Variants in DYNC2H1 observed in about 807,000 individuals in gnomAD.
The protein encoded by DYNC2H1 is dynein cytoplasmic 2 heavy chain 1.
A neutral mutation model predicts 570.0 loss-of-function variants in DYNC2H1; 410 were observed. The observed-to-expected ratio is 0.72, with a 90% CI of 0.66 to 0.78. The LOEUF (loss-of-function observed/expected upper bound fraction) is 0.78. Ranked by LOEUF, DYNC2H1 falls within the 30% of genes least tolerant of loss-of-function variation. The probability of loss-of-function intolerance (pLI) is 0.00; values close to 1 mark genes in which losing one functional copy is unlikely to be tolerated. For missense variants in DYNC2H1, 4,865 were observed against 5,046.4 expected (o/e 0.96, Z 1.09); for synonymous variants, 1,688 against 1,677.6 (o/e 1.01, Z -0.15).
chr11:103,133,717 G>A lies in DYNC2H1; in HGVS notation c.2106+10G>A. ...TACATTTTGTGAAAAGGTATATTTT[G>A]TTTATAAAATTGAATAAGCTATGAA... On this transcript the variant is annotated intron_variant, in intron 14 of 88. Coordinates refer to ENST00000375735, the MANE Select transcript of DYNC2H1 (RefSeq NM_001377.3). This position sits in a 1 kb window ranked among gnomAD's most constrained non-coding sequence, Gnocchi z 4.8. 2 of 1,570,618 alleles carry A rather than the reference G, an allele frequency of 1.3e-6. No homozygotes were observed. Among genetic ancestry groups the A allele is most frequent in the South Asian group, 1.2e-5 (1 of 83,828 alleles).
chr11:103,312,380 CAAAAAAAAA>C (rs775259300), intron 79 of DYNC2H1, among the ~76,000 whole-genome samples: 1 of 48,122 alleles, frequency 2.1e-5, no homozygotes, highest in African/African-American at 9.2e-5. Flanking sequence ...AACTCCATCT[CAAAAAAAAA>C]AAAAAAAAAA....
intron 38 of DYNC2H1, among the ~76,000 whole-genome samples, chr11:103,178,190 T>TTAGTTTGAATAAAG (rs1486784312): frequency 6.6e-6 from 1 of 152,130 alleles, no homozygotes; most frequent in Non-Finnish European, 1.5e-5. Context: ...TATTAACTCA[T>TTAGTTTGAATAAAG]TAGTTTGAAT....
chr11:103,124,953 A>C (rs1008771894), intron 11 of DYNC2H1, 147 bp from the exon 12 acceptor site: 16 of 546,940 alleles, frequency 2.9e-5, no homozygotes, highest in Middle Eastern at 9.7e-4. Flanking sequence ...TATGGAAAAA[A>C]CCCACAACTT....
At chr11:103,469,118 GC>G (rs1213118620) in intron 88 of DYNC2H1, among the ~76,000 whole-genome samples, 4 of 152,136 alleles carry the variant, frequency 2.6e-5, no homozygotes, top group African/African-American at 2.4e-5. Flanking sequence ...ACGTGCTCAC[GC>G]AGGTTAAATG....
chr11:103,124,770 A>G (rs1313644268), intron 11 of DYNC2H1, among the ~76,000 whole-genome samples: 1 of 152,232 alleles, frequency 6.6e-6, no homozygotes, highest in Non-Finnish European at 1.5e-5. Context: ...AGATACCTTT[A>G]GAAAATGAAT....
intron 73 of DYNC2H1, among the ~76,000 whole-genome samples, chr11:103,283,746 G>A (rs1565461168): frequency 6.6e-6 from 1 of 152,050 alleles, no homozygotes; most frequent in Non-Finnish European, 1.5e-5. Context: ...AGTAGAGCCA[G>A]GATTTAAAAC....
intron 30 of DYNC2H1, among the ~76,000 whole-genome samples, chr11:103,164,434 A>G (rs1282820791): frequency 1.3e-5 from 2 of 152,250 alleles, no homozygotes; most frequent in Non-Finnish European, 1.5e-5. Flanking sequence ...GAGTATTTAC[A>G]TAAGGGAATT....
rs144184627 is a variant in DYNC2H1 at position 103,240,807 on chromosome 11, T to C, written c.9820-2886T>C. On this transcript the variant is annotated intron_variant, in intron 63 of 88. Transcript: ENST00000375735. ...TCATAATATTGCCTCAATTAATATATTTTAGTGATTTCCCATTGTCTGCAG... is the reference window on the plus strand; with the variant it reads ...TCATAATATTGCCTCAATTAATATACTTTAGTGATTTCCCATTGTCTGCAG... 8.7e-3 allele frequency among the ~76,000 whole-genome samples: 1,326 copies of C among 152,258 alleles called. 15 individuals carry two copies. The highest frequency in any genetic ancestry group is 0.03 in the African/African-American group (1,262 of 41,546).
At chr11:103,137,162 C>T (rs2134789493) in intron 17 of DYNC2H1, among the ~76,000 whole-genome samples, 1 of 148,094 alleles carries the variant, frequency 6.8e-6, no homozygotes, top group Non-Finnish European at 1.5e-5. Context: ...AAAATTTTCT[C>T]CCATTTTGTA....
chr11:103,114,260 A>G, intron 3 of DYNC2H1, 22 bp downstream of exon 3: 1 of 1,541,532 alleles, frequency 6.5e-7, no homozygotes, highest in Non-Finnish European at 8.7e-7. Context: ...TAGCTTAATA[A>G]AAGAGAGTAC....
chr11:103,272,262 T>C (rs1865737493), intron 70 of DYNC2H1, among the ~76,000 whole-genome samples: 1 of 152,224 alleles, frequency 6.6e-6, no homozygotes, highest in Non-Finnish European at 1.5e-5. Context: ...GATGAGTTCA[T>C]GTCCTTTGTA....
intron 84 of DYNC2H1, chr11:103,403,139 TA>T (rs1445060976): frequency 6.6e-6 from 1 of 152,054 alleles, no homozygotes; most frequent in Non-Finnish European, 1.5e-5. Context: ...TGGAGATCAG[TA>T]GATGACTAAT....
chr11:103,314,806 G>T (rs1399813824), intron 79 of DYNC2H1, among the ~76,000 whole-genome samples: 2 of 151,714 alleles, frequency 1.3e-5, no homozygotes, highest in African/African-American at 2.4e-5. Context: ...CATGTCATAG[G>T]TATATATATT....
At chr11:103,219,343 G>A (rs598179) in intron 55 of DYNC2H1, among the ~76,000 whole-genome samples, 142,022 of 152,340 alleles carry the variant, frequency 0.93, 66,231 homozygotes, top group African/African-American at 0.94. Flanking sequence ...GCTGGGCGCA[G>A]TGGCTCACGC....
chr11:103,388,915 T>G (rs1475086503), intron 83 of DYNC2H1, among the ~76,000 whole-genome samples: 2 of 152,202 alleles, frequency 1.3e-5, no homozygotes, highest in Non-Finnish European at 2.9e-5. Flanking sequence ...CAGTATTTTA[T>G]TGAGGATTTT....
intron 83 of DYNC2H1, among the ~76,000 whole-genome samples, chr11:103,387,022 G>T (rs1941913174): frequency 6.6e-6 from 1 of 151,944 alleles, no homozygotes; most frequent in African/African-American, 2.4e-5. Flanking sequence ...ACCCAGTAAT[G>T]GGATGGCTGG....
At chr11:103,333,525 A>G (rs1938938837) in intron 82 of DYNC2H1, among the ~76,000 whole-genome samples, 1 of 152,110 alleles carries the variant, frequency 6.6e-6, no homozygotes, top group South Asian at 2.1e-4. Flanking sequence ...CAACCTCCTT[A>G]TGTGTTTTTG....
At chr11:103,191,992 C>T in intron 46 of DYNC2H1, 105 bp from the exon 47 acceptor site, 5 of 901,366 alleles carry the variant, frequency 5.5e-6, no homozygotes, top group South Asian at 7.8e-5. Context: ...TATCTGATGC[C>T]AAAATTATGG....
At chr11:103,222,275 G>T in intron 58 of DYNC2H1, 122 bp downstream of exon 58, 1 of 685,684 alleles carries the variant, frequency 1.5e-6, no homozygotes. Flanking sequence ...TAAAAAATAA[G>T]CTTATAGGAA....
Sources: allele counts gnomAD v4.1 joint callset (sites outside exome capture counted in the v4.1 genomes callset), GRCh38; gene constraint gnomAD v4.1.1; non-coding constraint Gnocchi (gnomAD v3.1); transcripts MANE v1.5; gene names NCBI Gene and HGNC (gene_info 2026-07-23, HGNC 2026-07-21).